Variants in WWOX observed in about 807,000 individuals in gnomAD.
The protein encoded by WWOX is WW domain containing oxidoreductase, also known as WW domain-containing oxidoreductase.
Under a neutral mutation model 46.2 loss-of-function variants are expected in WWOX, and 69 were observed. That is an observed-to-expected ratio of 1.49 (90% CI 1.23 to 1.82). WWOX has a LOEUF of 1.82. WWOX is among the 40% of genes most tolerant of loss of function. The pLI, the probability that WWOX is intolerant of heterozygous loss-of-function variation, is 0.00. For missense variants in WWOX, 919 were observed against 542.6 expected (o/e 1.69, Z -6.89); for synonymous variants, 359 against 202.6 (o/e 1.77, Z -6.56).
At chr16:78,453,995 C>T (rs1054022705) in intron 8 of WWOX, among the ~76,000 whole-genome samples, 5 of 152,040 alleles carry the variant, frequency 3.3e-5, no homozygotes, top group African/African-American at 1.2e-4. Flanking sequence ...TTTTTGTTGT[C>T]ATTGAGTTTT....
chr16:78,623,535 C>G (rs887642957), intron 8 of WWOX, among the ~76,000 whole-genome samples: 1 of 151,984 alleles, frequency 6.6e-6, no homozygotes, highest in African/African-American at 2.4e-5. Context: ...CAAAAATCAG[C>G]CAGGCATGGT....
intron 8 of WWOX, among the ~76,000 whole-genome samples, chr16:78,812,200 T>C (rs2051207691): frequency 6.6e-6 from 1 of 151,958 alleles, no homozygotes; most frequent in African/African-American, 2.4e-5. Context: ...TCTGCCAATT[T>C]TTTAAAAGAC....
At chr16:78,525,956 C>G (rs2043455465) in intron 8 of WWOX, 1 of 151,958 alleles carries the variant, frequency 6.6e-6, no homozygotes, top group Non-Finnish European at 1.5e-5. Context: ...TTGATTGGAA[C>G]ATTGTATTTT....
chr16:78,213,851 C>T (rs1407802561), intron 5 of WWOX, among the ~76,000 whole-genome samples: 2 of 152,166 alleles, frequency 1.3e-5, no homozygotes, highest in Admixed American at 6.5e-5. Flanking sequence ...GCCTGAGTGA[C>T]AAGCCCTGGA....
chr16:78,841,057 C>T (rs1278920505), intron 8 of WWOX, among the ~76,000 whole-genome samples: 1 of 152,114 alleles, frequency 6.6e-6, no homozygotes, highest in African/African-American at 2.4e-5. Flanking sequence ...GAACTGCCCT[C>T]GTCCCGGTAA....
intron 8 of WWOX, among the ~76,000 whole-genome samples, chr16:78,626,691 C>G (rs2046319409): frequency 6.6e-6 from 1 of 152,102 alleles, no homozygotes; most frequent in South Asian, 2.1e-4. Context: ...CCAGCTCATG[C>G]TTGTGGAGTG....
chr16:79,057,064 C>A (rs566561004), intron 8 of WWOX, among the ~76,000 whole-genome samples: 1 of 152,154 alleles, frequency 6.6e-6, no homozygotes, highest in African/African-American at 2.4e-5. Context: ...GTGATTTTGC[C>A]GCCATGGGCC....
intron 4 of WWOX, among the ~76,000 whole-genome samples, chr16:78,140,645 A>G (rs1033479012): frequency 6.6e-6 from 1 of 151,824 alleles, no homozygotes; most frequent in Non-Finnish European, 1.5e-5. Context: ...TCTTCCCTCT[A>G]TTACTGTTTG....
chr16:78,585,002 G>C (rs1166023423), intron 8 of WWOX, among the ~76,000 whole-genome samples: 1 of 152,190 alleles, frequency 6.6e-6, no homozygotes, highest in Non-Finnish European at 1.5e-5. Flanking sequence ...CAGAAAGGCC[G>C]AGATGACCGC....
chr16:78,742,398 C>T (rs1274887715), intron 8 of WWOX, among the ~76,000 whole-genome samples: 3 of 152,182 alleles, frequency 2.0e-5, no homozygotes, highest in Admixed American at 1.3e-4. Context: ...TTTCAGCGCC[C>T]TGGCTTCTGT....
chr16:78,378,568 AT>A (rs779523109), intron 5 of WWOX, among the ~76,000 whole-genome samples: 119 of 152,296 alleles, frequency 7.8e-4, no homozygotes, highest in Admixed American at 3.6e-3. Flanking sequence ...GTTGAGTTAG[AT>A]TTCTATTGTA....
chr16:78,267,900 C>G (rs756775833), intron 5 of WWOX, among the ~76,000 whole-genome samples: 1 of 152,184 alleles, frequency 6.6e-6, no homozygotes, highest in Non-Finnish European at 1.5e-5. Flanking sequence ...TCACTGCAGC[C>G]TTGACTTTCC....
In WWOX at chr16:78,941,459, G is replaced by C. The variant is rs113550674; in HGVS notation, c.1057-270149G>C. Among the ~76,000 whole-genome samples, 404 of 149,074 alleles carry C rather than the reference G, an allele frequency of 2.7e-3. 3 individuals are homozygous for C. Among genetic ancestry groups the C allele is most frequent in the African/African-American group, 9.6e-3 (391 of 40,706 alleles). On this transcript the variant is annotated intron_variant, in intron 8 of 8. Transcript: ENST00000566780. Reference sequence around the variant, plus strand: ...GCATCATTACCTTCCTCCGAACAAAGTCCTTTTTTTTTTTTTGTCAGTAGA... The same window carrying C: ...GCATCATTACCTTCCTCCGAACAAACTCCTTTTTTTTTTTTTGTCAGTAGA...
chr16:79,129,784 G>T (rs545990691), intron 8 of WWOX, among the ~76,000 whole-genome samples: 1 of 152,228 alleles, frequency 6.6e-6, no homozygotes, highest in African/African-American at 2.4e-5. Context: ...TTCAAAGACA[G>T]TCACAGTCCA....
intron 6 of WWOX, among the ~76,000 whole-genome samples, chr16:78,389,520 G>C (rs1387968776): frequency 6.6e-6 from 1 of 152,162 alleles, no homozygotes; most frequent in Non-Finnish European, 1.5e-5. Context: ...CATTTACTGA[G>C]GGCTTATGGG....
intron 8 of WWOX, among the ~76,000 whole-genome samples, chr16:78,600,887 A>G (rs1219332227): frequency 6.6e-6 from 1 of 152,170 alleles, no homozygotes; most frequent in African/African-American, 2.4e-5. Flanking sequence ...GACAGGGAGA[A>G]GCCTGTGTGA....
chr16:78,627,893 G>C (rs1275268123), intron 8 of WWOX, among the ~76,000 whole-genome samples: 1 of 152,224 alleles, frequency 6.6e-6, no homozygotes, highest in Admixed American at 6.5e-5. Context: ...GAATCCCGTG[G>C]ATTTGGCGTT....
intron 8 of WWOX, among the ~76,000 whole-genome samples, chr16:79,165,225 C>G (rs74745122): frequency 1.3e-5 from 2 of 151,956 alleles, no homozygotes; most frequent in Non-Finnish European, 2.9e-5. Flanking sequence ...CTAGTGACCT[C>G]ATATACTCAT....
At chr16:78,493,567 AATT>A (rs763569293) in intron 8 of WWOX, among the ~76,000 whole-genome samples, 7 of 152,202 alleles carry the variant, frequency 4.6e-5, no homozygotes, top group Admixed American at 1.3e-4. Context: ...GTTTAAGGAG[AATT>A]ATTCTTTTTA....
Sources: gnomAD v4.1 joint callset for allele counts (sites outside exome capture counted in the v4.1 genomes callset) on GRCh38, gnomAD v4.1.1 for gene constraint, MANE v1.5 for transcripts, NCBI Gene and HGNC (gene_info 2026-07-23, HGNC 2026-07-21) for gene names.